The following ASTN2 variants were observed in gnomAD, a reference collection of about 807,000 sequenced individuals.
ASTN2 encodes astrotactin-2.
ASTN2 carries 54 observed loss-of-function variants against 139.8 expected under a neutral mutation model. The observed-to-expected ratio is 0.39, with a 90% CI of 0.31 to 0.48. The LOEUF (loss-of-function observed/expected upper bound fraction) is 0.48, where lower values mean the gene tolerates loss of function less well. Among genes scored for constraint, ASTN2 ranks in the 20% least tolerant of loss-of-function variants. The probability of loss-of-function intolerance (pLI) is 0.95; values close to 1 mark genes in which losing one functional copy is unlikely to be tolerated. For synonymous variants in ASTN2, 756 were observed against 719.5 expected (o/e 1.05, Z -0.81); for missense variants, 1,565 against 1,725.1 (o/e 0.91, Z 1.64).
At chr9:117,078,094 C>G (rs1828328362) in intron 5 of ASTN2, among the ~76,000 whole-genome samples, 1 of 152,114 alleles carries the variant, frequency 6.6e-6, no homozygotes, top group Non-Finnish European at 1.5e-5. Context: ...GAGCTCCTCC[C>G]TTAGACTTGT....
chr9:116,786,204 G>A (rs1481860386), intron 13 of ASTN2, among the ~76,000 whole-genome samples: 2 of 152,030 alleles, frequency 1.3e-5, no homozygotes, highest in Non-Finnish European at 2.9e-5. Flanking sequence ...TTATACAAAC[G>A]TCACCTTGTC....
chr9:116,639,261 T>C (rs1463410016), intron 17 of ASTN2, among the ~76,000 whole-genome samples: 2 of 152,210 alleles, frequency 1.3e-5, no homozygotes, highest in Non-Finnish European at 2.9e-5. Context: ...CTTTGTGGTC[T>C]TCCTCTCCTC....
chr9:117,198,035 T>C (rs896324131), intron 3 of ASTN2, among the ~76,000 whole-genome samples: 17 of 152,126 alleles, frequency 1.1e-4, no homozygotes, highest in Admixed American at 3.3e-4. Context: ...CTGAATAAAA[T>C]GTGCCTATGT....
chr9:117,106,386 G>A (rs1193324174), intron 4 of ASTN2, among the ~76,000 whole-genome samples: 4 of 151,750 alleles, frequency 2.6e-5, no homozygotes, highest in Non-Finnish European at 5.9e-5. Flanking sequence ...TAATAGAGAC[G>A]GGATTTTGCC....
intron 19 of ASTN2, among the ~76,000 whole-genome samples, chr9:116,518,025 T>A (rs1243987256): frequency 1.3e-5 from 2 of 152,092 alleles, no homozygotes; most frequent in African/African-American, 2.4e-5. Flanking sequence ...ACATCCAAAC[T>A]TAAGAATAAT....
In ASTN2 at chr9:117,214,374, C is replaced by T. The variant is rs771968340; in HGVS notation, c.999G>A (p.Val333=). ...DSLGHPGEEK[V]DFEKKAAAEA... ...AGGACTCACCTTTCTTCTCAAAGTC[C>T]ACCTTCTCTTCCCCTGGATGTCCCA... Residue 333 remains valine (V), a synonymous_variant, in exon 3 of 23, where the codon GTG becomes GTA. Coordinates refer to ENST00000313400, the MANE Select transcript of ASTN2 (RefSeq NM_001365068.1). The T allele has an allele frequency of 1.9e-6, 3 of 1,588,712 alleles. No homozygotes were observed. Among genetic ancestry groups the T allele is most frequent in the Non-Finnish European group, 2.6e-6 (3 of 1,160,130 alleles).
Position 117,107,064 on chromosome 9 carries a change from A to G in ASTN2, c.1169-10913T>C, listed in dbSNP as rs557018031. On this transcript the variant is annotated intron_variant, in intron 4 of 22. Transcript: ENST00000313400. ...TTCCTTTTTGTGAGAAAATAAATAT[A>G]GATTGCTTATGGAATTAAAGCTAAT... Among the ~76,000 whole-genome samples, 22 of 152,314 alleles carry G rather than the reference A, an allele frequency of 1.4e-4. No individual in the cohort carries two copies. In the South Asian group the frequency reaches 2.3e-3, roughly 16 times the overall value.
chr9:117,154,349 C>T (rs1830387922), intron 3 of ASTN2, among the ~76,000 whole-genome samples: 1 of 151,926 alleles, frequency 6.6e-6, no homozygotes, highest in East Asian at 1.9e-4. Flanking sequence ...TGATTACATG[C>T]CGTCACCATC....
At chr9:117,029,553 C>T (rs1172355291) in intron 6 of ASTN2, among the ~76,000 whole-genome samples, 2 of 152,052 alleles carry the variant, frequency 1.3e-5, no homozygotes, top group Admixed American at 1.3e-4. Flanking sequence ...CATTTATTGA[C>T]TTGGCATGTC....
At chr9:117,037,496 G>C (rs1385977365) in intron 6 of ASTN2, among the ~76,000 whole-genome samples, 2 of 152,178 alleles carry the variant, frequency 1.3e-5, no homozygotes, top group Non-Finnish European at 1.5e-5. Context: ...GGCTCAGAGA[G>C]GGGAATTCAC....
intron 16 of ASTN2, among the ~76,000 whole-genome samples, chr9:116,665,129 C>A (rs1588161064): frequency 6.6e-6 from 1 of 152,174 alleles, no homozygotes; most frequent in Admixed American, 6.5e-5. Flanking sequence ...TGAAGCCTTA[C>A]CAGAAGCTAA....
At chr9:117,025,303 A>T (rs1030351140) in intron 6 of ASTN2, among the ~76,000 whole-genome samples, 7 of 152,148 alleles carry the variant, frequency 4.6e-5, no homozygotes, top group Admixed American at 2.0e-4. Context: ...AAAACTGCCA[A>T]CTAGCTACTT....
intron 5 of ASTN2, among the ~76,000 whole-genome samples, chr9:117,093,752 A>G (rs960782243): frequency 1.3e-5 from 2 of 152,208 alleles, no homozygotes; most frequent in African/African-American, 2.4e-5. Flanking sequence ...CACTCTCTGT[A>G]TTCAACAACA....
At chr9:117,072,596 T>C (rs1828164815) in intron 5 of ASTN2, among the ~76,000 whole-genome samples, 1 of 152,196 alleles carries the variant, frequency 6.6e-6, no homozygotes, top group Non-Finnish European at 1.5e-5. Flanking sequence ...TTAGAACTCA[T>C]CTAAGTCAGG....
At chr9:117,246,719 G>A (rs1833392790) in intron 2 of ASTN2, among the ~76,000 whole-genome samples, 2 of 152,180 alleles carry the variant, frequency 1.3e-5, no homozygotes, top group African/African-American at 2.4e-5. Context: ...TATTTACTGA[G>A]CATCTAGGGG....
At chr9:116,695,025 C>G (rs538766979) in intron 16 of ASTN2, among the ~76,000 whole-genome samples, 4 of 152,112 alleles carry the variant, frequency 2.6e-5, no homozygotes, top group Admixed American at 6.5e-5. Flanking sequence ...ATTAGTGTTC[C>G]TTCTGTGTTA....
chr9:117,338,777 T>C (rs1033676378), intron 1 of ASTN2, among the ~76,000 whole-genome samples: 1 of 151,966 alleles, frequency 6.6e-6, no homozygotes, highest in Non-Finnish European at 1.5e-5. Context: ...TTATCTTTAA[T>C]AGCAAAAAAA....
At chr9:116,756,606 T>A (rs1414270449) in intron 13 of ASTN2, among the ~76,000 whole-genome samples, 2 of 152,062 alleles carry the variant, frequency 1.3e-5, no homozygotes, top group Non-Finnish European at 2.9e-5. Flanking sequence ...TTCAGTGAAT[T>A]TGTACCAATA....
intron 10 of ASTN2, among the ~76,000 whole-genome samples, chr9:116,907,950 G>A (rs886828640): frequency 6.6e-6 from 1 of 152,140 alleles, no homozygotes; most frequent in African/African-American, 2.4e-5. Flanking sequence ...ACACCCAACA[G>A]TAAGACTAGG....
Sources: gnomAD v4.1 joint callset for allele counts (sites outside exome capture counted in the v4.1 genomes callset) on GRCh38, gnomAD v4.1.1 for gene constraint, MANE v1.5 for transcripts, NCBI Gene and HGNC (gene_info 2026-07-23, HGNC 2026-07-21) for gene names.